The following KNDC1 variants were observed in gnomAD, a reference collection of about 807,000 sequenced individuals.
KNDC1 encodes the protein kinase non-catalytic C-lobe domain containing 1, also known as kinase non-catalytic C-lobe domain-containing protein 1.
A neutral mutation model predicts 172.8 loss-of-function variants in KNDC1; 106 were observed. The observed-to-expected ratio is 0.61, with a 90% confidence interval of 0.52 to 0.72. The LOEUF (loss-of-function observed/expected upper bound fraction) is 0.72. Among genes scored for constraint, KNDC1 ranks in the 30% least tolerant of loss-of-function variants. KNDC1 has a pLI of 0.00. For missense variants in KNDC1, 2,325 were observed against 2,394.5 expected, an observed-to-expected ratio of 0.97 and a Z score of 0.61; for synonymous variants, 1,083 against 1,062.2, an observed-to-expected ratio of 1.02 and a Z score of -0.38.
rs574137926 is a variant in KNDC1, at chr10:133,207,412, G to A, written c.3794+61G>A. ...CGTAGCCCGGGGTGCTGAGAAGAGG[G>A]GGGGAACGTGCCCTCGCCAGTCAGC... On this transcript the variant is annotated intron_variant, in intron 20 of 29. Transcript: ENST00000304613. 29 of 1,472,820 alleles carry A rather than the reference G, an allele frequency of 2.0e-5. No homozygotes were observed. In the African/African-American group the frequency reaches 2.4e-4, roughly 12 times the overall value. The allele number at this position is 1,472,820 out of a possible 1,614,324, so 91.2% of individuals were successfully genotyped here. A position where few individuals can be genotyped will look rare whatever the true frequency, so the allele number is the denominator to read the frequency against.
chr10:133,193,105 G>C (rs1854104113), intron 9 of KNDC1, among the ~76,000 whole-genome samples: 2 of 152,334 alleles, frequency 1.3e-5, no homozygotes, highest in East Asian at 1.9e-4. Flanking sequence ...CACATATGGG[G>C]GGGGAAAACA....
intron 1 of KNDC1, 100 bp downstream of exon 1, chr10:133,160,669 C>G (rs910676724): frequency 4.3e-6 from 3 of 704,736 alleles, no homozygotes; most frequent in Non-Finnish European, 6.6e-6. Context: ...CTCCCGCCTC[C>G]CCAGGCGCCC....
chr10:133,192,136 A>G (rs1469738637), intron 9 of KNDC1, among the ~76,000 whole-genome samples: 1 of 152,250 alleles, frequency 6.6e-6, no homozygotes, highest in Non-Finnish European at 1.5e-5. Flanking sequence ...CATTTTTCAC[A>G]GAATTAGAGG....
In KNDC1 at chr10:133,224,707, T is replaced by G. The variant is rs750509015; in HGVS notation, c.5067T>G (p.Pro1689=). 1.9e-6 allele frequency: 3 copies of G among 1,613,886 alleles called. No individual in the cohort carries two copies. In the African/African-American group the frequency reaches 4.0e-5, roughly 22 times the overall value. The change falls in exon 30 of 30, where the codon CCT becomes CCG. Residue 1689 remains proline (P), a synonymous_variant. Transcript: ENST00000304613. This position sits in a 1 kb window ranked among gnomAD's most constrained non-coding sequence, Gnocchi z 5.4. ...VSQVHAFQEN[P]YTFSPDPKLQ... ...AGGTGCACGCGTTCCAGGAGAACCC[T>G]TACACCTTCAGCCCCGACCCCAAGC...
chr10:133,219,001 G>T, intron 27 of KNDC1, 30 bp from the exon 28 acceptor site: 1 of 1,613,812 alleles, frequency 6.2e-7, no homozygotes, highest in Non-Finnish European at 8.5e-7. Context: ...CCGCACGGCC[G>T]CAGGAGGCTC....
At chr10:133,194,083 C>T (rs1462424454) in intron 9 of KNDC1, among the ~76,000 whole-genome samples, 6 of 152,194 alleles carry the variant, frequency 3.9e-5, no homozygotes, top group Non-Finnish European at 8.8e-5. Context: ...GCTGGATCAA[C>T]ATTTAAAGGA....
At chr10:133,182,720 T>A (rs893948908) in intron 3 of KNDC1, among the ~76,000 whole-genome samples, 4 of 152,230 alleles carry the variant, frequency 2.6e-5, no homozygotes, top group African/African-American at 9.6e-5. Context: ...GTTTTGAAGT[T>A]TTTGACCTAA....
chr10:133,215,668 G>C (rs1344791503), intron 26 of KNDC1, among the ~76,000 whole-genome samples: 1 of 152,260 alleles, frequency 6.6e-6, no homozygotes, highest in African/African-American at 2.4e-5. Context: ...ACATCGTCCT[G>C]GGCGCACCCT....
Position 133,184,600 on chromosome 10 carries a change from C to T in KNDC1, c.625+611C>T, listed in dbSNP as rs117772406. Among the ~76,000 whole-genome samples, 534 of 152,388 alleles carry T rather than the reference C, an allele frequency of 3.5e-3. 2 individuals are homozygous for T. The highest frequency in any genetic ancestry group is 4.9e-3 in the Admixed American group (75 of 15,314). ...CACCAGAATGCACACATTACACACC[C>T]GCTCTCATGCCTACCACGTCCACTG... is the stretch of plus-strand genomic sequence containing the variant. On this transcript the variant is annotated intron_variant, in intron 5 of 29. Transcript: ENST00000304613.
intron 19 of KNDC1, 81 bp downstream of exon 19, chr10:133,207,034 G>C: frequency 1.3e-6 from 2 of 1,546,336 alleles, no homozygotes; most frequent in Non-Finnish European, 8.9e-7. Flanking sequence ...CTGTAAATCT[G>C]TCCGTGTGAA....
intron 3 of KNDC1, among the ~76,000 whole-genome samples, chr10:133,177,685 CAT>C (rs1009569908): frequency 1.4e-4 from 22 of 152,012 alleles, no homozygotes; most frequent in African/African-American, 3.4e-4. Flanking sequence ...ATCATGGGCA[CAT>C]GTGTGTAATG....
chr10:133,163,921 C>T lies in KNDC1; in HGVS notation c.102+3352C>T, dbSNP rs1277836447. On this transcript the variant is annotated intron_variant, in intron 1 of 29. Transcript: ENST00000304613. The surrounding 1 kb of genome is among the most constrained non-coding windows in gnomAD (Gnocchi z 4.4). ...TCCCACCTGGGATGGGGGTGGAGTT[C>T]GTGGCCACCTGCCTTCCCAAATCCC... 7.5e-6 allele frequency among the ~76,000 whole-genome samples: 1 copy of T among 133,712 alleles called. No individual in the cohort carries two copies. Among genetic ancestry groups the T allele is most frequent in the Admixed American group, 7.6e-5 (1 of 13,182 alleles). The allele number at this position is 133,712 out of a possible 152,430, so 87.7% of individuals were successfully genotyped here.
rs1242264347 is a variant in KNDC1 at position 133,220,755 on chromosome 10, G to C, written c.5018+643G>C. Among the ~76,000 whole-genome samples the C allele has an allele frequency of 2.6e-4, 29 of 112,976 alleles. 5 individuals carry two copies. Among genetic ancestry groups the C allele is most frequent in the African/African-American group, 7.8e-4 (24 of 30,836 alleles). 74.1% of individuals were successfully genotyped at this position (112,976 alleles called of 152,430 possible). On this transcript the variant is annotated intron_variant, in intron 29 of 29. Transcript: ENST00000304613. Reference sequence around the variant, plus strand: ...GGCTCAGGCGGCCGCGCGCCCAGGTGAGGAGGGGCTCAGGCGGCCGCGCGC... The same window carrying C: ...GGCTCAGGCGGCCGCGCGCCCAGGTCAGGAGGGGCTCAGGCGGCCGCGCGC...
At position 133,225,482 on chromosome 10, in the gene KNDC1, C is replaced by T. The variant is rs3750850; in HGVS notation, c.*592C>T. ...TCCCCTTCCCTGCCCAGTGCCCCTC[C>T]TCCCCAGCCCAGACCCCCAGGTGCC... On this transcript the variant is annotated 3_prime_UTR_variant, in exon 30 of 30. Coordinates refer to ENST00000304613, the MANE Select transcript of KNDC1 (RefSeq NM_152643.8). The T allele has an allele frequency of 0.36, 54,703 of 154,024 alleles. 10,426 individuals carry two copies. Among genetic ancestry groups the T allele is most frequent in the East Asian group, 0.62 (3,182 of 5,126 alleles). The allele number at this position is 154,024 out of a possible 1,614,324, so 9.5% of individuals were successfully genotyped here.
chr10:133,172,143 A>G (rs1171154252), intron 3 of KNDC1, among the ~76,000 whole-genome samples: 1 of 152,170 alleles, frequency 6.6e-6, no homozygotes, highest in East Asian at 1.9e-4. Context: ...AAGCAGTGTG[A>G]GGCTGGGCAC....
intron 15 of KNDC1, 57 bp downstream of exon 15, chr10:133,199,659 G>A: frequency 6.3e-7 from 1 of 1,586,650 alleles, no homozygotes; most frequent in Non-Finnish European, 8.6e-7. Flanking sequence ...ACTGTGCCTG[G>A]GCTCTGCTGC....
rs570499852 is a variant in KNDC1 at position 133,218,967 on chromosome 10, G to A, written c.4800+14G>A. On this transcript the variant is annotated intron_variant, in intron 27 of 29. Coordinates refer to ENST00000304613, the MANE Select transcript of KNDC1 (RefSeq NM_152643.8). ...AGGCAGTCCCCTGTGCGTCCCCCTC[G>A]GGCCCCAAGGCGGGGGTGGGTACCC... is the stretch of plus-strand genomic sequence containing the variant. The A allele has an allele frequency of 6.8e-6, 11 of 1,613,692 alleles. No individual in the cohort carries two copies. The highest frequency in any genetic ancestry group is 1.7e-4 in the Middle Eastern group (1 of 6,060).
In KNDC1 at chr10:133,225,721, G is replaced by T; in HGVS notation, c.*831G>T. On this transcript the variant is annotated 3_prime_UTR_variant, in exon 30 of 30. Coordinates refer to ENST00000304613, the MANE Select transcript of KNDC1 (RefSeq NM_152643.8). ...ATCTCATGCCCCAGGGACCGCCACT[G>T]CCCACCGCCTCCAGCAGCCATGCAT... is the stretch of plus-strand genomic sequence containing the variant. 6.5e-6 allele frequency: 1 copy of T among 153,014 alleles called. No individual in the cohort carries two copies. The highest frequency in any genetic ancestry group is 1.5e-5 in the Non-Finnish European group (1 of 68,698). The allele number at this position is 153,014 out of a possible 1,614,324, so 9.5% of individuals were successfully genotyped here. A position where few individuals can be genotyped will look rare whatever the true frequency, so the allele number is the denominator to read the frequency against.
chr10:133,193,279 C>T (rs868391244), intron 9 of KNDC1, among the ~76,000 whole-genome samples: 3 of 152,308 alleles, frequency 2.0e-5, no homozygotes, highest in Middle Eastern at 3.4e-3. Context: ...AATCCCAACA[C>T]TTTGGGAGGC....
Sources: allele counts gnomAD v4.1 joint callset (sites outside exome capture counted in the v4.1 genomes callset), GRCh38; gene constraint gnomAD v4.1.1; non-coding constraint Gnocchi (gnomAD v3.1); transcripts MANE v1.5; gene names NCBI Gene and HGNC (gene_info 2026-07-23, HGNC 2026-07-21).